The following CNTN4 variants were observed in gnomAD, a reference collection of about 807,000 sequenced individuals.
CNTN4 encodes the protein contactin 4, also known as contactin-4.
CNTN4 carries 77 observed loss-of-function variants against 122.5 expected under a neutral mutation model. The ratio of observed to expected loss-of-function variants is 0.63; its 90% confidence interval spans 0.52 to 0.76. The LOEUF (loss-of-function observed/expected upper bound fraction) is 0.76. Ranked by LOEUF, CNTN4 falls within the 30% of genes least tolerant of loss-of-function variation. The pLI is 0.00. For missense variants in CNTN4, 1,256 were observed against 1,259.1 expected (o/e 1.00, Z 0.04); for synonymous variants, 512 against 447.0 (o/e 1.15, Z -1.83).
At chr3:2,760,406 C>T (rs544652018) in intron 6 of CNTN4, among the ~76,000 whole-genome samples, 1 of 152,088 alleles carries the variant, frequency 6.6e-6, no homozygotes, top group South Asian at 2.1e-4. Context: ...CTTTCTTTTG[C>T]ACGTTATCGG....
At chr3:2,296,804 C>A (rs1685449) in intron 2 of CNTN4, among the ~76,000 whole-genome samples, 8,460 of 70,082 alleles carry the variant, frequency 0.12, 330 homozygotes, top group African/African-American at 0.18. Flanking sequence ...AAAAAAACAA[C>A]AAAAAACTAT....
Position 2,816,236 on chromosome 3 carries a change from C to G in CNTN4, c.359-3250C>G, listed in dbSNP as rs553894867. ...GGGCGTGGTGGCGGGCGCCTGTAGT[C>G]CCAGCTACTCGGGAGGCTGAGGCAG... On this transcript the variant is annotated intron_variant, in intron 6 of 24. Transcript: ENST00000418658. Among the ~76,000 whole-genome samples the G allele has an allele frequency of 6.2e-4, 92 of 148,216 alleles. No homozygotes were observed. The East Asian group carries it at 0.018, about 28-fold the overall frequency.
intron 2 of CNTN4, among the ~76,000 whole-genome samples, chr3:2,315,423 A>C (rs778418956): frequency 6.6e-6 from 1 of 152,084 alleles, no homozygotes; most frequent in Non-Finnish European, 1.5e-5. Context: ...AAAGAGAGGC[A>C]CTTGGTAGGC....
chr3:2,664,015 T>G (rs1025038549), intron 4 of CNTN4, among the ~76,000 whole-genome samples: 1 of 151,850 alleles, frequency 6.6e-6, no homozygotes, highest in Non-Finnish European at 1.5e-5. Context: ...GGTTGGGTAG[T>G]GGGGAAAAGG....
intron 6 of CNTN4, among the ~76,000 whole-genome samples, chr3:2,787,884 G>A (rs1357797002): frequency 6.6e-6 from 1 of 151,224 alleles, no homozygotes; most frequent in Non-Finnish European, 1.5e-5. Context: ...CTGCCTCCCA[G>A]GTTCAAGTGA....
Position 2,120,400 on chromosome 3 carries a change from TATA to T in CNTN4, c.-145+19762_-145+19764del, listed in dbSNP as rs1371608558. Reference sequence around the variant, plus strand: ...ATATATATATATATATATATATATATATATATTTTTTTTTTTTTTTTTATGCAG... The same window carrying T: ...ATATATATATATATATATATATATATTATTTTTTTTTTTTTTTTTATGCAG... On this transcript the variant is annotated intron_variant, in intron 2 of 24. Coordinates refer to ENST00000418658, the MANE Select transcript of CNTN4 (RefSeq NM_175607.3). Among the ~76,000 whole-genome samples the T allele has an allele frequency of 1.4e-3, 47 of 32,940 alleles. 1 individual carries two copies. Among genetic ancestry groups the T allele is most frequent in the East Asian group, 3.3e-3 (4 of 1,220 alleles). 21.6% of individuals were successfully genotyped at this position (32,940 alleles called of 152,430 possible).
At chr3:2,930,017 T>A (rs2094505957) in intron 13 of CNTN4, among the ~76,000 whole-genome samples, 1 of 152,224 alleles carries the variant, frequency 6.6e-6, no homozygotes, top group Non-Finnish European at 1.5e-5. Flanking sequence ...GAGACCTTAC[T>A]AATTGTTAGA....
At chr3:2,757,653 T>G (rs2090398745) in intron 6 of CNTN4, among the ~76,000 whole-genome samples, 2 of 152,238 alleles carry the variant, frequency 1.3e-5, no homozygotes, top group African/African-American at 4.8e-5. Context: ...ACAAGGCATT[T>G]GCCTTCTAGC....
intron 4 of CNTN4, among the ~76,000 whole-genome samples, chr3:2,652,233 A>C (rs992719438): frequency 3.3e-5 from 5 of 152,148 alleles, no homozygotes; most frequent in African/African-American, 1.2e-4. Flanking sequence ...GAAACAGACA[A>C]ACACAATAAC....
intron 4 of CNTN4, chr3:2,629,507 CT>C (rs1403261971): frequency 2.2e-6 from 1 of 446,552 alleles, no homozygotes; most frequent in Non-Finnish European, 4.5e-6. Context: ...GAATTTTACC[CT>C]GTTCCTTCCC....
At chr3:2,363,090 C>G (rs1260952384) in intron 3 of CNTN4, among the ~76,000 whole-genome samples, 1 of 152,116 alleles carries the variant, frequency 6.6e-6, no homozygotes, top group East Asian at 1.9e-4. Flanking sequence ...ATATCTGAAC[C>G]AGTCAAAGCC....
chr3:2,259,404 A>C (rs192990569), intron 2 of CNTN4, among the ~76,000 whole-genome samples: 18 of 152,178 alleles, frequency 1.2e-4, no homozygotes, highest in Admixed American at 2.0e-4. Flanking sequence ...CAGAGTTGCA[A>C]ATGTTAAGTG....
intron 3 of CNTN4, among the ~76,000 whole-genome samples, chr3:2,552,154 A>C (rs952289023): frequency 1.2e-4 from 19 of 152,218 alleles, no homozygotes; most frequent in Non-Finnish European, 4.4e-5. Context: ...AGCCTCACTT[A>C]AATGGGTTCA....
intron 2 of CNTN4, among the ~76,000 whole-genome samples, chr3:2,228,624 ATAT>A (rs925286012): frequency 1.4e-4 from 22 of 152,098 alleles, no homozygotes; most frequent in East Asian, 3.9e-4. Context: ...TATTATAGAC[ATAT>A]TATTATCTTC....
Position 2,468,482 on chromosome 3 carries a change from A to G in CNTN4, c.-88-102934A>G, listed in dbSNP as rs145267001. ...TAAGTTGTCATTTTAAGGGTATCAT[A>G]TATTATTACATTTCAGAAATGCAGA... On this transcript the variant is annotated intron_variant, in intron 3 of 24. Coordinates refer to ENST00000418658, the MANE Select transcript of CNTN4 (RefSeq NM_175607.3). 1.9e-3 allele frequency among the ~76,000 whole-genome samples: 282 copies of G among 152,302 alleles called. 4 individuals carry two copies. The highest frequency in any genetic ancestry group is 6.6e-3 in the African/African-American group (275 of 41,568).
At chr3:2,622,113 T>C (rs991360564) in intron 4 of CNTN4, among the ~76,000 whole-genome samples, 2 of 152,216 alleles carry the variant, frequency 1.3e-5, no homozygotes, top group Non-Finnish European at 2.9e-5. Context: ...AGTCTACCCT[T>C]GCTCTGCATG....
chr3:2,296,810 A>AC (rs2042332558), intron 2 of CNTN4, among the ~76,000 whole-genome samples: 1 of 151,294 alleles, frequency 6.6e-6, no homozygotes, highest in South Asian at 2.1e-4. Context: ...ACAACAAAAA[A>AC]CTATAATTCC....
At position 2,450,691 on chromosome 3, in the gene CNTN4, C is replaced by T. The variant is rs73804565; in HGVS notation, c.-89+111458C>T. On this transcript the variant is annotated intron_variant, in intron 3 of 24. Transcript: ENST00000418658. ...TTATTAATAGAGACTGAATAACTCCCAATACAGGCTCCTTGCTAAAATGCA... is the reference window on the plus strand; with the variant it reads ...TTATTAATAGAGACTGAATAACTCCTAATACAGGCTCCTTGCTAAAATGCA... Among the ~76,000 whole-genome samples the T allele has an allele frequency of 3.3e-3, 500 of 152,212 alleles. 3 individuals carry two copies. Among genetic ancestry groups the T allele is most frequent in the African/African-American group, 0.011 (446 of 41,556 alleles).
chr3:3,024,358 G>C (rs1201202351), intron 14 of CNTN4, among the ~76,000 whole-genome samples: 1 of 109,770 alleles, frequency 9.1e-6, no homozygotes, highest in Non-Finnish European at 1.8e-5. Flanking sequence ...CTTAGAGTAA[G>C]ATTTGTACTT....
Sources: allele counts gnomAD v4.1 joint callset (sites outside exome capture counted in the v4.1 genomes callset), GRCh38; gene constraint gnomAD v4.1.1; transcripts MANE v1.5; gene names NCBI Gene and HGNC (gene_info 2026-07-23, HGNC 2026-07-21).